The following MACROD2 variants were observed in gnomAD, a reference collection of about 807,000 sequenced individuals.
The protein encoded by MACROD2 is ADP-ribose glycohydrolase MACROD2.
Under a neutral mutation model 70.4 loss-of-function variants are expected in MACROD2, and 36 were observed. The ratio of observed to expected loss-of-function variants is 0.51; its 90% CI spans 0.39 to 0.68. The LOEUF (loss-of-function observed/expected upper bound fraction) is 0.68. MACROD2 is among the 30% of genes least tolerant of loss of function. MACROD2 has a pLI of 0.00. For missense variants in MACROD2, 496 were observed against 538.4 expected (o/e 0.92, Z 0.78); for synonymous variants, 172 against 178.8 (o/e 0.96, Z 0.30).
intron 3 of MACROD2, among the ~76,000 whole-genome samples, chr20:14,402,150 T>C (rs2122839327): frequency 6.6e-6 from 1 of 152,342 alleles, no homozygotes; most frequent in South Asian, 2.1e-4. Flanking sequence ...ATATGTCTCA[T>C]GCTCAGTGTC....
At chr20:14,927,403 A>G (rs554532037) in intron 5 of MACROD2, among the ~76,000 whole-genome samples, 1 of 152,262 alleles carries the variant, frequency 6.6e-6, no homozygotes, top group South Asian at 2.1e-4. Context: ...CAGAAACACT[A>G]CTGCTGCTAT....
chr20:14,587,291 G>A (rs1981447941), intron 4 of MACROD2, among the ~76,000 whole-genome samples: 1 of 151,268 alleles, frequency 6.6e-6, no homozygotes, highest in African/African-American at 2.4e-5. Flanking sequence ...ATTCTTTTTG[G>A]TTATACAATT....
chr20:15,686,542 G>T (rs2050226968), intron 8 of MACROD2, among the ~76,000 whole-genome samples: 1 of 152,022 alleles, frequency 6.6e-6, no homozygotes, highest in African/African-American at 2.4e-5. Flanking sequence ...GTAGAAAGGG[G>T]CTTTCAACCA....
intron 5 of MACROD2, among the ~76,000 whole-genome samples, chr20:14,690,080 G>GAAA (rs57641368): frequency 6.6e-6 from 1 of 150,706 alleles, no homozygotes. Flanking sequence ...CTCCTAAGGA[G>GAAA]AAAAAAAAAT....
intron 3 of MACROD2, among the ~76,000 whole-genome samples, chr20:14,313,431 CCTTTT>C (rs1162051657): frequency 1.3e-5 from 1 of 77,292 alleles, no homozygotes; most frequent in Non-Finnish European, 2.7e-5. Context: ...CTTTCCCCCT[CCTTTT>C]TTTTTTTTTT....
chr20:15,711,294 C>A lies in MACROD2; in HGVS notation c.646-151451C>A, dbSNP rs538434111. Among the ~76,000 whole-genome samples, 3 of 152,238 alleles carry A rather than the reference C, an allele frequency of 2.0e-5. No homozygotes were observed. The South Asian group carries it at 6.2e-4, about 32-fold the overall frequency. On this transcript the variant is annotated intron_variant, in intron 8 of 17. Coordinates refer to ENST00000684519, the MANE Select transcript of MACROD2 (RefSeq NM_001351661.2). ...AGTTACAGGGAGGGGAGGGAATGCC[C>A]AGTAATTTCTTATCTCGTGGTATGT... is the stretch of plus-strand genomic sequence containing the variant.
chr20:14,092,253 G>A, intron 3 of MACROD2, among the ~76,000 whole-genome samples: 1 of 151,934 alleles, frequency 6.6e-6, no homozygotes, highest in East Asian at 1.9e-4. Context: ...TTTCCCCAAA[G>A]GTTAATTATG....
intron 3 of MACROD2, among the ~76,000 whole-genome samples, chr20:14,391,819 A>G (rs879323177): frequency 6.9e-6 from 1 of 143,920 alleles, no homozygotes; most frequent in Non-Finnish European, 1.5e-5. Flanking sequence ...GGCCTACTAG[A>G]TGGGGGAAAG....
At chr20:15,046,101 G>A (rs932914956) in intron 5 of MACROD2, among the ~76,000 whole-genome samples, 8 of 151,694 alleles carry the variant, frequency 5.3e-5, no homozygotes, top group Admixed American at 2.6e-4. Context: ...CATCTTCTTC[G>A]CCTTTTTCTC....
At chr20:15,351,505 G>A (rs965141842) in intron 6 of MACROD2, among the ~76,000 whole-genome samples, 8 of 152,102 alleles carry the variant, frequency 5.3e-5, no homozygotes, top group Admixed American at 2.6e-4. Flanking sequence ...GACTCCACAG[G>A]AAAGAACAGT....
chr20:14,299,350 A>C (rs1368791647), intron 3 of MACROD2, among the ~76,000 whole-genome samples: 2 of 152,194 alleles, frequency 1.3e-5, no homozygotes, highest in Non-Finnish European at 2.9e-5. Context: ...GGCATATTGC[A>C]TGCCTAATAT....
At chr20:14,560,308 T>TACACACACACAC (rs1232499100) in intron 4 of MACROD2, among the ~76,000 whole-genome samples, 1,797 of 147,418 alleles carry the variant, frequency 0.012, 19 homozygotes, top group African/African-American at 0.018. Context: ...GTACTTAATG[T>TACACACACACAC]ACACACACAC....
chr20:15,180,686 C>T (rs375264594), intron 5 of MACROD2, among the ~76,000 whole-genome samples: 9 of 152,162 alleles, frequency 5.9e-5, no homozygotes, highest in Middle Eastern at 3.2e-3. Context: ...ATCTACGCTC[C>T]GTGGTTACAG....
intron 5 of MACROD2, among the ~76,000 whole-genome samples, chr20:15,061,841 G>A (rs573119247): frequency 2.0e-5 from 3 of 152,294 alleles, no homozygotes; most frequent in South Asian, 4.1e-4. Flanking sequence ...TATGAGACCC[G>A]GAGGATGGTA....
chr20:15,258,524 G>C (rs189831601), intron 6 of MACROD2, among the ~76,000 whole-genome samples: 6 of 152,180 alleles, frequency 3.9e-5, no homozygotes, highest in African/African-American at 1.4e-4. Flanking sequence ...GTAACATGCT[G>C]TTCACATTTG....
intron 5 of MACROD2, among the ~76,000 whole-genome samples, chr20:14,795,356 G>A (rs1194610788): frequency 6.6e-6 from 1 of 152,070 alleles, no homozygotes; most frequent in Non-Finnish European, 1.5e-5. Flanking sequence ...TAAAGATGGT[G>A]GTTTGAGATA....
At chr20:15,550,795 C>A (rs2048085380) in intron 8 of MACROD2, among the ~76,000 whole-genome samples, 1 of 152,124 alleles carries the variant, frequency 6.6e-6, no homozygotes, top group African/African-American at 2.4e-5. Context: ...TCCTTTATTC[C>A]TCTCAACAAC....
At chr20:15,606,895 G>T (rs1207426844) in intron 8 of MACROD2, among the ~76,000 whole-genome samples, 1 of 151,940 alleles carries the variant, frequency 6.6e-6, no homozygotes, top group Non-Finnish European at 1.5e-5. Flanking sequence ...CCAGCTACTC[G>T]GGAGGCTGAG....
chr20:15,954,928 T>A (rs73597728), intron 12 of MACROD2, among the ~76,000 whole-genome samples: 3 of 152,144 alleles, frequency 2.0e-5, no homozygotes, highest in African/African-American at 7.2e-5. Context: ...AAAGTGAAGC[T>A]CACAGAGCAA....
Sources: allele counts gnomAD v4.1 joint callset (sites outside exome capture counted in the v4.1 genomes callset), GRCh38; gene constraint gnomAD v4.1.1; transcripts MANE v1.5; gene names NCBI Gene and HGNC (gene_info 2026-07-23, HGNC 2026-07-21).